UNC5D: variants seen among roughly 807,000 people sequenced by gnomAD.
UNC5D encodes the protein netrin receptor UNC5D.
Under a neutral mutation model 105.4 loss-of-function variants are expected in UNC5D, and 39 were observed. The ratio of observed to expected loss-of-function variants is 0.37; its 90% CI spans 0.29 to 0.48. The LOEUF is 0.48. Among genes scored for constraint, UNC5D ranks in the 20% least tolerant of loss-of-function variants. UNC5D has a pLI of 0.98. For missense variants in UNC5D, 991 were observed against 1,202.4 expected, an observed-to-expected ratio of 0.82 and a Z score of 2.60; for synonymous variants, 452 against 450.4, an observed-to-expected ratio of 1.00 and a Z score of -0.04.
At chr8:35,778,647 C>CTG (rs1363028498) in intron 16 of UNC5D, among the ~76,000 whole-genome samples, 1 of 152,202 alleles carries the variant, frequency 6.6e-6, no homozygotes, top group African/African-American at 2.4e-5. Flanking sequence ...GCACTTTCGC[C>CTG]TGACTCTTCC....
At chr8:35,618,816 T>G (rs1821180520) in intron 4 of UNC5D, among the ~76,000 whole-genome samples, 1 of 152,200 alleles carries the variant, frequency 6.6e-6, no homozygotes, top group Admixed American at 6.5e-5. Context: ...CTTTGTTAAT[T>G]ACTGCGTGCC....
At position 35,646,340 on chromosome 8, in the gene UNC5D, G is replaced by A. The variant is rs142703704; in HGVS notation, c.571-37207G>A. ...AGAAATTGTTTGACTCAAGAAAGAC[G>A]TTTATGGAGTAAAGCACAGGGAGAA... On this transcript the variant is annotated intron_variant, in intron 4 of 16. Transcript: ENST00000404895. Among the ~76,000 whole-genome samples, 890 of 152,176 alleles carry A rather than the reference G, an allele frequency of 5.8e-3. 3 individuals carry two copies. Among genetic ancestry groups the A allele is most frequent in the African/African-American group, 0.021 (859 of 41,548 alleles).
intron 1 of UNC5D, among the ~76,000 whole-genome samples, chr8:35,276,565 G>C (rs929741534): frequency 6.6e-6 from 1 of 152,156 alleles, no homozygotes. Flanking sequence ...TTAAAGTTTT[G>C]ATTTGTCCAT....
intron 7 of UNC5D, among the ~76,000 whole-genome samples, chr8:35,692,577 C>T (rs1298445079): frequency 6.6e-6 from 1 of 152,140 alleles, no homozygotes; most frequent in Non-Finnish European, 1.5e-5. Context: ...TCTGTCAAGT[C>T]CTTTCTTTGG....
At chr8:35,666,866 G>A (rs1190471029) in intron 4 of UNC5D, among the ~76,000 whole-genome samples, 2 of 152,110 alleles carry the variant, frequency 1.3e-5, no homozygotes, top group Non-Finnish European at 2.9e-5. Flanking sequence ...TGGATTTAGA[G>A]CCTAGAGTTT....
At chr8:35,619,369 G>A (rs548119546) in intron 4 of UNC5D, among the ~76,000 whole-genome samples, 3 of 152,298 alleles carry the variant, frequency 2.0e-5, no homozygotes, top group Admixed American at 2.0e-4. Context: ...TGGCATGGTT[G>A]CCCAGGAAGT....
chr8:35,657,389 A>G (rs1357561679), intron 4 of UNC5D, among the ~76,000 whole-genome samples: 1 of 151,730 alleles, frequency 6.6e-6, no homozygotes, highest in African/African-American at 2.4e-5. Flanking sequence ...TTTGCCTGAT[A>G]GAATATTGTG....
At position 35,290,774 on chromosome 8, in the gene UNC5D, C is replaced by A. The variant is rs375042189; in HGVS notation, c.103+54887C>A. ...TACCAGCCTGACCAACGTGGAGAAA[C>A]CCCATCTCTACTAAAAACACAAAAT... On this transcript the variant is annotated intron_variant, in intron 1 of 16. Coordinates refer to ENST00000404895, the MANE Select transcript of UNC5D (RefSeq NM_080872.4). Among the ~76,000 whole-genome samples the A allele has an allele frequency of 3.9e-4, 59 of 151,998 alleles. 1 individual carries two copies. Among genetic ancestry groups the A allele is most frequent in the African/African-American group, 1.4e-3 (57 of 41,456 alleles).
rs189451801 is a variant in UNC5D at position 35,641,984 on chromosome 8, G to C, written c.571-41563G>C. Reference sequence around the variant, plus strand: ...TTCTCTCAAACACTCCAAGACATTTGGTTATGAACAGGGAGCTAAAATCTC... The same window carrying C: ...TTCTCTCAAACACTCCAAGACATTTCGTTATGAACAGGGAGCTAAAATCTC... On this transcript the variant is annotated intron_variant, in intron 4 of 16. Transcript: ENST00000404895. Among the ~76,000 whole-genome samples the C allele has an allele frequency of 2.6e-5, 4 of 152,142 alleles. No homozygotes were observed. In the East Asian group the frequency reaches 7.8e-4, roughly 30 times the overall value.
rs540800267 is a variant in UNC5D, at chr8:35,308,289, C to T, written c.103+72402C>T. On this transcript the variant is annotated intron_variant, in intron 1 of 16. Coordinates refer to ENST00000404895, the MANE Select transcript of UNC5D (RefSeq NM_080872.4). Reference sequence around the variant, plus strand: ...CATTGAGTAGGTGTGACCAAATTCTCATGGGTTACTATAATGCTACAATCT... The same window carrying T: ...CATTGAGTAGGTGTGACCAAATTCTTATGGGTTACTATAATGCTACAATCT... Among the ~76,000 whole-genome samples, 3 of 152,082 alleles carry T rather than the reference C, an allele frequency of 2.0e-5. No individual in the cohort carries two copies. The South Asian group carries it at 6.2e-4, about 32-fold the overall frequency.
At chr8:35,434,775 T>A (rs1411658225) in intron 1 of UNC5D, among the ~76,000 whole-genome samples, 1 of 152,168 alleles carries the variant, frequency 6.6e-6, no homozygotes, top group East Asian at 1.9e-4. Flanking sequence ...TACATGATAG[T>A]TCTTTCCTAG....
intron 1 of UNC5D, among the ~76,000 whole-genome samples, chr8:35,361,398 A>C (rs372963567): frequency 6.6e-6 from 1 of 152,184 alleles, no homozygotes; most frequent in East Asian, 1.9e-4. Flanking sequence ...AAATGGAGCA[A>C]TGTGACCTTA....
Position 35,767,053 on chromosome 8 carries a change from C to T in UNC5D, c.2465C>T (p.Thr822Ile). The T allele has an allele frequency of 2.5e-6, 4 of 1,613,036 alleles. No homozygotes were observed. The highest frequency in any genetic ancestry group is 3.4e-6 in the Non-Finnish European group (4 of 1,179,464). ...CATGAACAGATCCTCCAAGTGCAGACATCAATCCTAGAGGTGAGTCCTTGA... is the reference window on the plus strand; with the variant it reads ...CATGAACAGATCCTCCAAGTGCAGATATCAATCCTAGAGGTGAGTCCTTGA... The part of the protein sequence containing the change: ...KGHEQILQVQ[T>I]SILESERETI... Residue 822 changes from threonine (T) to isoleucine (I), a missense_variant, in exon 15 of 17, where the codon ACA (threonine) becomes ATA (isoleucine). Physicochemically the swap from Thr to Ile is moderately conservative, Grantham distance 89 (BLOSUM62 -1). This residue lies in a region of UNC5D where 944 missense variants were observed against 1,131.6 expected (regional missense o/e 0.83). Coordinates refer to ENST00000404895, the MANE Select transcript of UNC5D (RefSeq NM_080872.4).
At chr8:35,756,861 G>A (rs565046179) in intron 13 of UNC5D, among the ~76,000 whole-genome samples, 6 of 152,166 alleles carry the variant, frequency 3.9e-5, no homozygotes, top group Non-Finnish European at 5.9e-5. Flanking sequence ...ATTTCCTGGC[G>A]TCGACTACTT....
intron 3 of UNC5D, among the ~76,000 whole-genome samples, chr8:35,573,118 G>T (rs898324976): frequency 6.6e-6 from 1 of 152,128 alleles, no homozygotes; most frequent in Non-Finnish European, 1.5e-5. Context: ...TTATATTTCT[G>T]ATGAACTCCC....
chr8:35,322,436 C>A (rs1191994935), intron 1 of UNC5D, among the ~76,000 whole-genome samples: 3 of 151,468 alleles, frequency 2.0e-5, no homozygotes, highest in Non-Finnish European at 2.9e-5. Flanking sequence ...ATTTTACAAA[C>A]TCACCTTTTT....
intron 1 of UNC5D, among the ~76,000 whole-genome samples, chr8:35,482,838 C>T (rs923622089): frequency 8.9e-5 from 10 of 112,036 alleles, no homozygotes; most frequent in East Asian, 2.8e-4. Context: ...GTCTTGCTCT[C>T]GTCCCCCAGG....
chr8:35,348,084 C>T (rs1465321426), intron 1 of UNC5D, among the ~76,000 whole-genome samples: 1 of 151,866 alleles, frequency 6.6e-6, no homozygotes, highest in Admixed American at 6.6e-5. Context: ...GGTTATCTGC[C>T]TTTTCTCCTG....
At chr8:35,472,176 A>G (rs1329036798) in intron 1 of UNC5D, among the ~76,000 whole-genome samples, 1 of 152,242 alleles carries the variant, frequency 6.6e-6, no homozygotes, top group Non-Finnish European at 1.5e-5. Context: ...ATCTCATCAG[A>G]AGAACACTTA....
Sources: allele counts gnomAD v4.1 joint callset (sites outside exome capture counted in the v4.1 genomes callset), GRCh38; gene constraint gnomAD v4.1.1; regional missense constraint gnomAD v4.1.1; transcripts MANE v1.5; gene names NCBI Gene and HGNC (gene_info 2026-07-23, HGNC 2026-07-21).